The following IKZF3 variants were observed in gnomAD, a reference collection of about 807,000 sequenced individuals.
The protein encoded by IKZF3 is IKAROS family zinc finger 3.
A neutral mutation model predicts 49.0 loss-of-function variants in IKZF3; 10 were observed. The ratio of observed to expected loss-of-function variants is 0.20; its 90% CI spans 0.13 to 0.35. IKZF3 has a LOEUF of 0.35. IKZF3 is among the 10% of genes least tolerant of loss of function. The pLI, the probability that IKZF3 is intolerant of heterozygous loss-of-function variation, is 1.00. For missense variants in IKZF3, 498 were observed against 664.8 expected (o/e 0.75, Z 2.76); for synonymous variants, 209 against 228.2 (o/e 0.92, Z 0.76).
At chr17:39,857,985 A>G (rs1052286980) in intron 1 of IKZF3, among the ~76,000 whole-genome samples, 71 of 151,718 alleles carry the variant, frequency 4.7e-4, no homozygotes, top group African/African-American at 1.7e-3. Flanking sequence ...AAAGAGAGAG[A>G]GAGAGATCCC....
intron 3 of IKZF3, 100 bp from the exon 4 acceptor site, chr17:39,793,033 C>T (rs765171240): frequency 1.4e-5 from 16 of 1,184,590 alleles, no homozygotes; most frequent in Middle Eastern, 2.5e-4. Context: ...AAATACCAAT[C>T]GAAGCTAACA....
At chr17:39,813,474 G>A (rs1213969323) in intron 3 of IKZF3, among the ~76,000 whole-genome samples, 4 of 151,000 alleles carry the variant, frequency 2.6e-5, no homozygotes, top group Non-Finnish European at 5.9e-5. Flanking sequence ...GCGAGACCCC[G>A]TATCTACAGA....
Position 39,766,393 on chromosome 17 carries a change from A to G in IKZF3, c.927T>C (p.Asn309=), listed in dbSNP as rs1282824893. ...IQTRMMDQAI[N]NAISYLGAEA... ...CGGCGCCAAGATAGCTGATGGCGTT[A>G]TTGATGGCTTGGTCCATCATGCGGG... The change falls in exon 8 of 8, where the codon AAT becomes AAC. Residue 309 remains asparagine (N), a synonymous_variant. Transcript: ENST00000346872. 6.2e-7 allele frequency: 1 copy of G among 1,614,150 alleles called. No individual in the cohort carries two copies. The highest frequency in any genetic ancestry group is 1.1e-5 in the South Asian group (1 of 91,084).
chr17:39,826,901 G>A (rs1039420107), intron 3 of IKZF3, among the ~76,000 whole-genome samples: 1 of 152,216 alleles, frequency 6.6e-6, no homozygotes, highest in African/African-American at 2.4e-5. Flanking sequence ...AGGTGACTAT[G>A]GGGAAGATTC....
intron 1 of IKZF3, among the ~76,000 whole-genome samples, chr17:39,834,374 T>C (rs186690753): frequency 1.3e-5 from 2 of 152,370 alleles, no homozygotes; most frequent in East Asian, 3.9e-4. Flanking sequence ...TCTTCTTTTC[T>C]AATTGTAAAC....
rs1433071750 is a variant in IKZF3 at position 39,765,583 on chromosome 17, A to C, written c.*207T>G. The stretch of plus-strand genomic sequence containing the variant: ...ATTCAAGTCCCTGATGGGAAAACAA[A>C]GGTTTCACAAAAGTAATAATATGCT... On this transcript the variant is annotated 3_prime_UTR_variant, in exon 8 of 8. Transcript: ENST00000346872. 1 of 492,888 alleles carries C rather than the reference A, an allele frequency of 2.0e-6. No homozygotes were observed. The highest frequency in any genetic ancestry group is 3.6e-6 in the Non-Finnish European group (1 of 279,774). 30.5% of individuals were successfully genotyped at this position (492,888 alleles called of 1,614,324 possible).
chr17:39,829,348 C>T lies in IKZF3; in HGVS notation c.163+39G>A, dbSNP rs370506316. 40 of 1,383,234 alleles carry T rather than the reference C, an allele frequency of 2.9e-5. No individual in the cohort carries two copies. The African/African-American group carries it at 5.0e-4, about 17-fold the overall frequency. 85.7% of individuals were successfully genotyped at this position (1,383,234 alleles called of 1,614,324 possible). A position where few individuals can be genotyped will look rare whatever the true frequency, so the allele number is the denominator to read the frequency against. On this transcript the variant is annotated intron_variant, in intron 3 of 7. Transcript: ENST00000346872. Reference sequence around the variant, plus strand: ...TCTCTACACTAAGCCTAAGCAATATCTACAGGCATCAGTGTTTAGTCTGCA... The same window carrying T: ...TCTCTACACTAAGCCTAAGCAATATTTACAGGCATCAGTGTTTAGTCTGCA...
chr17:39,803,544 G>A (rs1003055160), intron 3 of IKZF3, among the ~76,000 whole-genome samples: 10 of 141,816 alleles, frequency 7.1e-5, no homozygotes, highest in Middle Eastern at 3.7e-3. Context: ...ACAGAGTTTC[G>A]CTCTTGTTGC....
chr17:39,811,729 G>A (rs2144106256), intron 3 of IKZF3, among the ~76,000 whole-genome samples: 1 of 152,312 alleles, frequency 6.6e-6, no homozygotes, highest in South Asian at 2.1e-4. Context: ...GAACACTGCA[G>A]GGGATAAATG....
chr17:39,784,654 G>A (rs1425659334), intron 6 of IKZF3, among the ~76,000 whole-genome samples: 2 of 152,124 alleles, frequency 1.3e-5, no homozygotes, highest in African/African-American at 4.8e-5. Context: ...CGCCCGCCTC[G>A]GCCTCCCAAA....
rs75989936 is a variant in IKZF3, at chr17:39,784,038, C to T, written c.709+4220G>A. On this transcript the variant is annotated intron_variant, in intron 6 of 7. Coordinates refer to ENST00000346872, the MANE Select transcript of IKZF3 (RefSeq NM_012481.5). ...AAGTTGGTAAAAATGTAAGTTTATT[C>T]TGAAGCCCTCATGCTTGTATTAGCT... Among the ~76,000 whole-genome samples the T allele has an allele frequency of 0.014, 2,074 of 152,318 alleles. 159 individuals carry two copies. In the East Asian group the frequency reaches 0.21, roughly 16 times the overall value.
At chr17:39,855,058 A>G (rs781064808) in intron 1 of IKZF3, among the ~76,000 whole-genome samples, 1 of 152,212 alleles carries the variant, frequency 6.6e-6, no homozygotes, top group Non-Finnish European at 1.5e-5. Context: ...GGTCTAAATC[A>G]GTCATTTTCA....
intron 1 of IKZF3, among the ~76,000 whole-genome samples, chr17:39,842,618 A>C (rs984035444): frequency 6.6e-6 from 1 of 152,176 alleles, no homozygotes; most frequent in African/African-American, 2.4e-5. Context: ...TTGGGAAAAA[A>C]ACAGAAATTC....
In IKZF3 at chr17:39,842,052, AAAAAAAAC is replaced by A. The variant is rs1321767213; in HGVS notation, c.8-9909_8-9902del. Among the ~76,000 whole-genome samples, 46 of 149,132 alleles carry A rather than the reference AAAAAAAAC, an allele frequency of 3.1e-4. 1 individual carries two copies. Among genetic ancestry groups the A allele is most frequent in the Middle Eastern group, 3.4e-3 (1 of 294 alleles). The stretch of plus-strand genomic sequence containing the variant: ...CAACAAAGCAAAAAAAAAAAAAAAA[AAAAAAAAC>A]CAGATAAAATATAGATGTAAATGTG... On this transcript the variant is annotated intron_variant, in intron 1 of 7. Coordinates refer to ENST00000346872, the MANE Select transcript of IKZF3 (RefSeq NM_012481.5).
chr17:39,766,315 A>G lies in IKZF3; in HGVS notation c.1005T>C (p.Val335=). ...QTPPAPTSEM[V]PVISSMYPIA... ...TGGGATACATGCTGCTGATAACTGG[A>G]ACCATCTCCGAGGTGGGAGCAGGCG... The change falls in exon 8 of 8, where the codon GTT becomes GTC. Residue 335 remains valine, a synonymous_variant. Coordinates refer to ENST00000346872, the MANE Select transcript of IKZF3 (RefSeq NM_012481.5). 1 of 1,614,156 alleles carries G rather than the reference A, an allele frequency of 6.2e-7. No individual in the cohort carries two copies.
chr17:39,845,828 C>T (rs1276851562), intron 1 of IKZF3, among the ~76,000 whole-genome samples: 1 of 152,162 alleles, frequency 6.6e-6, no homozygotes. Context: ...TAGACAGCAC[C>T]TTTCATACAA....
chr17:39,830,382 T>A (rs954544511), intron 2 of IKZF3, among the ~76,000 whole-genome samples: 5 of 152,122 alleles, frequency 3.3e-5, no homozygotes, highest in Non-Finnish European at 4.4e-5. Flanking sequence ...AGCTCATACT[T>A]TGAGATATAG....
At chr17:39,819,181 G>A (rs1349353875) in intron 3 of IKZF3, among the ~76,000 whole-genome samples, 1 of 152,122 alleles carries the variant, frequency 6.6e-6, no homozygotes, top group Non-Finnish European at 1.5e-5. Context: ...TTATGTTTGA[G>A]TATTTAATCT....
At chr17:39,822,145 A>G (rs2061825233) in intron 3 of IKZF3, among the ~76,000 whole-genome samples, 1 of 152,196 alleles carries the variant, frequency 6.6e-6, no homozygotes. Flanking sequence ...TGCCAACTGG[A>G]ATACCCCAGA....
Sources: allele counts gnomAD v4.1 joint callset (sites outside exome capture counted in the v4.1 genomes callset), GRCh38; gene constraint gnomAD v4.1.1; transcripts MANE v1.5; gene names NCBI Gene and HGNC (gene_info 2026-07-23, HGNC 2026-07-21).